The following ZNF609 variants were observed in gnomAD, a reference collection of about 807,000 sequenced individuals.
ZNF609 encodes the protein zinc finger protein 609.
ZNF609 carries 11 observed loss-of-function variants against 109.5 expected under a neutral mutation model. That is an observed-to-expected ratio of 0.10 (90% CI 0.06 to 0.17). ZNF609 has a LOEUF of 0.17. ZNF609 is among the 10% of genes least tolerant of loss of function. The pLI, the probability that ZNF609 is intolerant of heterozygous loss-of-function variation, is 1.00. For missense variants in ZNF609, 1,559 were observed against 1,772.4 expected, an observed-to-expected ratio of 0.88 and a Z score of 2.16; for synonymous variants, 646 against 662.0, an observed-to-expected ratio of 0.98 and a Z score of 0.37.
At chr15:64,596,278 A>G (rs1051200300) in intron 2 of ZNF609, among the ~76,000 whole-genome samples, 2 of 151,944 alleles carry the variant, frequency 1.3e-5, no homozygotes, top group African/African-American at 4.8e-5. Context: ...CTCAGTCTCC[A>G]GAGTAGCTGG....
At chr15:64,562,239 G>T (rs1159823877) in intron 2 of ZNF609, among the ~76,000 whole-genome samples, 1 of 152,178 alleles carries the variant, frequency 6.6e-6, no homozygotes, top group Non-Finnish European at 1.5e-5. Flanking sequence ...GATTGTCAAA[G>T]TTCTGTTCAC....
At chr15:64,487,835 C>T (rs563309343) in intron 1 of ZNF609, among the ~76,000 whole-genome samples, 95 of 152,158 alleles carry the variant, frequency 6.2e-4, no homozygotes, top group African/African-American at 2.2e-3. Context: ...GGGGTTTCAC[C>T]ATATTGGCCA....
intron 1 of ZNF609, chr15:64,470,430 C>G (rs1026423605): frequency 6.6e-6 from 1 of 152,090 alleles, no homozygotes; most frequent in African/African-American, 2.4e-5. Context: ...TCTGAAATAC[C>G]CTCCTAAAAG....
intron 3 of ZNF609, among the ~76,000 whole-genome samples, chr15:64,636,482 A>C (rs1339775196): frequency 6.6e-6 from 1 of 152,218 alleles, no homozygotes; most frequent in Non-Finnish European, 1.5e-5. Flanking sequence ...TGAAACTTTT[A>C]ACCCTGAACT....
intron 2 of ZNF609, among the ~76,000 whole-genome samples, chr15:64,544,384 C>G (rs1232924521): frequency 1.3e-5 from 2 of 152,018 alleles, no homozygotes; most frequent in Non-Finnish European, 2.9e-5. Flanking sequence ...AAGTAATAAT[C>G]GTTAAAACCA....
At chr15:64,488,678 C>T (rs1316618189) in intron 1 of ZNF609, among the ~76,000 whole-genome samples, 2 of 151,990 alleles carry the variant, frequency 1.3e-5, no homozygotes, top group African/African-American at 2.4e-5. Context: ...TAGAATAGAT[C>T]TGGGAAGGGA....
chr15:64,499,232 T>C, intron 1 of ZNF609, 61 bp from the exon 2 acceptor site: 3 of 674,200 alleles, frequency 4.4e-6, no homozygotes. Context: ...TGGGAGTTTA[T>C]TTCAGGCGTC....
intron 2 of ZNF609, among the ~76,000 whole-genome samples, chr15:64,546,939 C>T (rs8037815): frequency 0.14 from 21,445 of 151,592 alleles, 2,891 homozygotes; most frequent in African/African-American, 0.34. Flanking sequence ...CACAGGCGCA[C>T]GCCACCACAC....
chr15:64,581,605 C>G (rs1895106398), intron 2 of ZNF609, among the ~76,000 whole-genome samples: 1 of 152,076 alleles, frequency 6.6e-6, no homozygotes, highest in South Asian at 2.1e-4. Context: ...TGATAATTCC[C>G]TGGGAATGAA....
intron 2 of ZNF609, among the ~76,000 whole-genome samples, chr15:64,600,046 G>C (rs1338567990): frequency 1.3e-5 from 2 of 152,154 alleles, no homozygotes; most frequent in East Asian, 3.8e-4. Context: ...TTCGTGGCCA[G>C]GCACGGTGGC....
At chr15:64,586,322 G>A (rs1181062841) in intron 2 of ZNF609, among the ~76,000 whole-genome samples, 1 of 146,502 alleles carries the variant, frequency 6.8e-6, no homozygotes. Context: ...GTGAAACTCG[G>A]TCTCAAAAAA....
At chr15:64,551,179 C>T (rs1894463630) in intron 2 of ZNF609, among the ~76,000 whole-genome samples, 1 of 152,100 alleles carries the variant, frequency 6.6e-6, no homozygotes, top group African/African-American at 2.4e-5. Flanking sequence ...CCTCGGACTC[C>T]TGAATATCTG....
chr15:64,632,166 C>G (rs375118111), intron 3 of ZNF609, among the ~76,000 whole-genome samples: 1 of 152,116 alleles, frequency 6.6e-6, no homozygotes, highest in Non-Finnish European at 1.5e-5. Flanking sequence ...GATCCTCCCA[C>G]GTCAGCCTCC....
At chr15:64,467,397 G>T (rs1893030413) in intron 1 of ZNF609, among the ~76,000 whole-genome samples, 2 of 152,090 alleles carry the variant, frequency 1.3e-5, no homozygotes, top group African/African-American at 2.4e-5. Flanking sequence ...CATCACCTTT[G>T]TGGATTCCTT....
chr15:64,546,936 G>A (rs1043350940), intron 2 of ZNF609, among the ~76,000 whole-genome samples: 1 of 151,526 alleles, frequency 6.6e-6, no homozygotes, highest in Non-Finnish European at 1.5e-5. Context: ...GACCACAGGC[G>A]CACGCCACCA....
At chr15:64,469,892 C>G (rs1206079971) in intron 1 of ZNF609, among the ~76,000 whole-genome samples, 1 of 152,092 alleles carries the variant, frequency 6.6e-6, no homozygotes, top group African/African-American at 2.4e-5. Context: ...GATTTGCCAT[C>G]TATCAATAAG....
intron 2 of ZNF609, among the ~76,000 whole-genome samples, chr15:64,576,963 TAC>T (rs1327978146): frequency 6.6e-4 from 92 of 140,086 alleles, no homozygotes; most frequent in African/African-American, 2.3e-3. Context: ...TATGTATATA[TAC>T]ACATAAATAT....
chr15:64,605,473 A>T (rs1198786876), intron 2 of ZNF609, among the ~76,000 whole-genome samples: 2 of 152,196 alleles, frequency 1.3e-5, no homozygotes, highest in Non-Finnish European at 2.9e-5. Context: ...AGACACTAGA[A>T]AGGTGGAGTT....
At chr15:64,537,325 C>T (rs1190902406) in intron 2 of ZNF609, among the ~76,000 whole-genome samples, 1 of 151,172 alleles carries the variant, frequency 6.6e-6, no homozygotes, top group Admixed American at 6.6e-5. Flanking sequence ...TGGAGAAACC[C>T]CATCTCTACT....
Sources: allele counts gnomAD v4.1 joint callset (sites outside exome capture counted in the v4.1 genomes callset), GRCh38; gene constraint gnomAD v4.1.1; transcripts MANE v1.5; gene names NCBI Gene and HGNC (gene_info 2026-07-23, HGNC 2026-07-21).